Variants in TMTC1 observed in about 807,000 individuals in gnomAD.
The protein encoded by TMTC1 is protein O-mannosyl-transferase TMTC1.
A neutral mutation model predicts 104.8 loss-of-function variants in TMTC1; 73 were observed. The observed-to-expected ratio is 0.70, with a 90% CI of 0.58 to 0.85. The LOEUF (loss-of-function observed/expected upper bound fraction) is 0.85, where lower values mean the gene tolerates loss of function less well. Among genes scored for constraint, TMTC1 ranks in the 40% least tolerant of loss-of-function variants. The pLI, the probability that TMTC1 is intolerant of heterozygous loss-of-function variation, is 0.00. For missense variants in TMTC1, 1,035 were observed against 1,096.1 expected, an observed-to-expected ratio of 0.94 and a Z score of 0.79; for synonymous variants, 434 against 428.7, an observed-to-expected ratio of 1.01 and a Z score of -0.15.
chr12:29,506,070 G>T lies in TMTC1; in HGVS notation c.*776C>A, dbSNP rs1040373984. On this transcript the variant is annotated 3_prime_UTR_variant, in exon 18 of 18. Transcript: ENST00000539277. ...TATATTTGCAGGCGGGAACATGTAT[G>T]ATTTTAAATGCACTTTTGAAATCTT... is the stretch of plus-strand genomic sequence containing the variant. The T allele has an allele frequency of 9.2e-5, 14 of 152,136 alleles. 1 individual carries two copies. The highest frequency in any genetic ancestry group is 3.1e-4 in the African/African-American group (13 of 41,504). 9.4% of individuals were successfully genotyped at this position (152,136 alleles called of 1,614,324 possible).
chr12:29,677,256 T>C (rs1940761447), intron 5 of TMTC1, among the ~76,000 whole-genome samples: 1 of 152,198 alleles, frequency 6.6e-6, no homozygotes, highest in South Asian at 2.1e-4. Context: ...TTTATCTGCA[T>C]GTCTGTTTAG....
At chr12:29,734,359 C>T (rs576457240) in intron 5 of TMTC1, among the ~76,000 whole-genome samples, 5 of 152,250 alleles carry the variant, frequency 3.3e-5, no homozygotes, top group Non-Finnish European at 7.4e-5. Context: ...CTGATTTTTT[C>T]AAGTGGGTTC....
chr12:29,516,424 C>A lies in TMTC1; in HGVS notation c.2232G>T (p.Val744=). The change falls in exon 15 of 18, where the codon GTG becomes GTT. Residue 744 remains valine (V), a synonymous_variant. Coordinates refer to ENST00000539277, the MANE Select transcript of TMTC1 (RefSeq NM_001193451.2). ...ATTCAAGGCATCCGGTCTCCTCTGACACAATGTGATTGGTCATCTTTTCAG... is the reference window on the plus strand; with the variant it reads ...ATTCAAGGCATCCGGTCTCCTCTGAAACAATGTGATTGGTCATCTTTTCAG... ...KEAEKMTNHI[V]SEETGCLECY... The A allele has an allele frequency of 6.2e-7, 1 of 1,614,078 alleles. No homozygotes were observed. The highest frequency in any genetic ancestry group is 8.5e-7 in the Non-Finnish European group (1 of 1,179,970).
intron 6 of TMTC1, among the ~76,000 whole-genome samples, chr12:29,632,476 G>T (rs2136504896): frequency 6.6e-6 from 1 of 152,076 alleles, no homozygotes; most frequent in East Asian, 1.9e-4. Context: ...GTTTTATAAG[G>T]GGCTTTCCCC....
At chr12:29,691,365 C>T (rs972636048) in intron 5 of TMTC1, among the ~76,000 whole-genome samples, 14 of 152,238 alleles carry the variant, frequency 9.2e-5, no homozygotes, top group Admixed American at 9.2e-4. Flanking sequence ...CTAATCAGCA[C>T]TCCCCACTTC....
At chr12:29,548,537 A>C (rs902104547) in intron 10 of TMTC1, among the ~76,000 whole-genome samples, 9 of 152,032 alleles carry the variant, frequency 5.9e-5, no homozygotes, top group Admixed American at 1.3e-4. Context: ...TATAAAGTAC[A>C]GTTCCCCTGC....
chr12:29,653,004 G>A (rs938148915), intron 5 of TMTC1, among the ~76,000 whole-genome samples: 1 of 152,092 alleles, frequency 6.6e-6, no homozygotes, highest in Non-Finnish European at 1.5e-5. Flanking sequence ...AGAGGTTGCA[G>A]TGAGCCAAAA....
At chr12:29,736,481 G>A (rs143167337) in intron 5 of TMTC1, among the ~76,000 whole-genome samples, 7,307 of 151,834 alleles carry the variant, frequency 0.048, 331 homozygotes, top group African/African-American at 0.11. Context: ...GTGCAGTGGC[G>A]CGATCTGGGC....
intron 5 of TMTC1, among the ~76,000 whole-genome samples, chr12:29,635,766 C>T (rs1938518758): frequency 6.6e-6 from 1 of 152,222 alleles, no homozygotes; most frequent in Non-Finnish European, 1.5e-5. Context: ...CATGCCACAT[C>T]ACACCACAGG....
chr12:29,647,971 G>A (rs1317216149), intron 5 of TMTC1, among the ~76,000 whole-genome samples: 5 of 152,150 alleles, frequency 3.3e-5, no homozygotes, highest in South Asian at 4.1e-4. Context: ...GGCTATGGTC[G>A]TGGAAATGAC....
At chr12:29,739,621 T>C (rs1942771676) in intron 5 of TMTC1, among the ~76,000 whole-genome samples, 1 of 152,160 alleles carries the variant, frequency 6.6e-6, no homozygotes, top group Admixed American at 6.5e-5. Flanking sequence ...AGGAATTCTG[T>C]CTATTTCTTG....
At chr12:29,525,788 T>C (rs995575938) in intron 11 of TMTC1, among the ~76,000 whole-genome samples, 4 of 152,214 alleles carry the variant, frequency 2.6e-5, no homozygotes, top group South Asian at 2.1e-4. Flanking sequence ...TCCACTGTAA[T>C]ACTTTTGAAT....
At chr12:29,655,568 A>G (rs1280975325) in intron 5 of TMTC1, among the ~76,000 whole-genome samples, 1 of 152,246 alleles carries the variant, frequency 6.6e-6, no homozygotes, top group African/African-American at 2.4e-5. Context: ...GTTCTACATT[A>G]CTGTGAATGT....
intron 9 of TMTC1, among the ~76,000 whole-genome samples, chr12:29,564,768 A>G (rs1945463308): frequency 6.6e-6 from 1 of 152,188 alleles, no homozygotes; most frequent in African/African-American, 2.4e-5. Flanking sequence ...GGAGGAAAAC[A>G]AGAGATACAG....
At chr12:29,682,058 A>T (rs1479201527) in intron 5 of TMTC1, among the ~76,000 whole-genome samples, 2 of 152,202 alleles carry the variant, frequency 1.3e-5, no homozygotes, top group African/African-American at 2.4e-5. Flanking sequence ...AAACTCAACA[A>T]CAACAAAAAA....
intron 5 of TMTC1, among the ~76,000 whole-genome samples, chr12:29,742,670 T>C (rs558140839): frequency 6.6e-6 from 1 of 152,316 alleles, no homozygotes; most frequent in East Asian, 1.9e-4. Context: ...TTAAAAAAGG[T>C]CAGCTGTTAG....
chr12:29,695,127 A>G (rs1003600427), intron 5 of TMTC1, among the ~76,000 whole-genome samples: 3 of 151,818 alleles, frequency 2.0e-5, no homozygotes, highest in African/African-American at 7.3e-5. Context: ...CATCACTCCA[A>G]TCCCTGCCTC....
At chr12:29,705,768 T>A (rs1591952496) in intron 5 of TMTC1, among the ~76,000 whole-genome samples, 1 of 152,178 alleles carries the variant, frequency 6.6e-6, no homozygotes, top group East Asian at 1.9e-4. Context: ...GTTACAGGGC[T>A]CTGTCCCAAC....
intron 5 of TMTC1, among the ~76,000 whole-genome samples, chr12:29,724,419 C>T (rs533113639): frequency 6.6e-6 from 1 of 152,250 alleles, no homozygotes; most frequent in Admixed American, 6.5e-5. Flanking sequence ...CTAAGGAAAT[C>T]CATGTACATA....
Sources: gnomAD v4.1 joint callset for allele counts (sites outside exome capture counted in the v4.1 genomes callset) on GRCh38, gnomAD v4.1.1 for gene constraint, MANE v1.5 for transcripts, NCBI Gene and HGNC (gene_info 2026-07-23, HGNC 2026-07-21) for gene names.